UBE2U: variants seen among roughly 807,000 people sequenced by gnomAD.
UBE2U encodes the protein ubiquitin-conjugating enzyme E2 U.
In UBE2U, 39 loss-of-function variants were observed where a neutral mutation model predicts 41.2. The observed-to-expected ratio is 0.95, with a 90% confidence interval of 0.73 to 1.24. The LOEUF is 1.24. UBE2U is among the 50% of genes most tolerant of loss of function. The pLI, the probability that UBE2U is intolerant of heterozygous loss-of-function variation, is 0.00. For synonymous variants in UBE2U, 107 were observed against 117.8 expected (o/e 0.91, Z 0.60); for missense variants, 336 against 363.1 (o/e 0.93, Z 0.61).
intron 8 of UBE2U, among the ~76,000 whole-genome samples, chr1:64,255,073 AATG>A (rs1353381896): frequency 5.3e-5 from 8 of 152,180 alleles, no homozygotes; most frequent in Admixed American, 5.2e-4. Context: ...CACAGTCAGA[AATG>A]ATAAGGGAGA....
intron 4 of UBE2U, among the ~76,000 whole-genome samples, chr1:64,213,385 A>G (rs556358276): frequency 6.6e-6 from 1 of 152,310 alleles, no homozygotes; most frequent in South Asian, 2.1e-4. Context: ...TGTTGTTGTA[A>G]GAGTTGGAAC....
chr1:64,238,363 C>T (rs1237380844), intron 7 of UBE2U, among the ~76,000 whole-genome samples: 1 of 151,156 alleles, frequency 6.6e-6, no homozygotes, highest in Non-Finnish European at 1.5e-5. Context: ...AAGATTGCAC[C>T]ACTGCACTCC....
chr1:64,258,941 G>A (rs1284487155), intron 8 of UBE2U, among the ~76,000 whole-genome samples: 1 of 152,228 alleles, frequency 6.6e-6, no homozygotes, highest in Non-Finnish European at 1.5e-5. Context: ...CCCACCAACA[G>A]TGTAAAAGCG....
intron 7 of UBE2U, among the ~76,000 whole-genome samples, chr1:64,236,865 C>T (rs1644676776): frequency 2.0e-5 from 3 of 152,270 alleles, no homozygotes; most frequent in African/African-American, 7.2e-5. Flanking sequence ...TCATGAGAAC[C>T]ACCTGAGGAG....
chr1:64,238,109 T>C (rs532901445), intron 7 of UBE2U, among the ~76,000 whole-genome samples: 1 of 152,238 alleles, frequency 6.6e-6, no homozygotes, highest in East Asian at 1.9e-4. Context: ...GCCTAGCATA[T>C]AATAAAAATT....
intron 5 of UBE2U, among the ~76,000 whole-genome samples, chr1:64,218,015 T>G (rs1325313756): frequency 6.6e-6 from 1 of 152,166 alleles, no homozygotes; most frequent in Non-Finnish European, 1.5e-5. Flanking sequence ...TTGAAGCAGG[T>G]GGTGTCTCAT....
chr1:64,239,157 A>AAGAAGAAGAAAAGAAGAAGAAGAAG, intron 7 of UBE2U, among the ~76,000 whole-genome samples: 14 of 37,056 alleles, frequency 3.8e-4, no homozygotes, highest in Non-Finnish European at 7.0e-4. Context: ...GAAGAAGAAG[A>AAGAAGAAGAAAAGAAGAAGAAGAAG]AAGAAGAAGA....
At chr1:64,218,843 C>T (rs1395408409) in intron 5 of UBE2U, among the ~76,000 whole-genome samples, 3 of 152,136 alleles carry the variant, frequency 2.0e-5, no homozygotes, top group African/African-American at 7.2e-5. Context: ...TGTGTACTAT[C>T]TTTTCTTCTT....
intron 6 of UBE2U, among the ~76,000 whole-genome samples, chr1:64,224,978 G>A (rs1180109358): frequency 1.3e-5 from 2 of 150,392 alleles, no homozygotes; most frequent in Admixed American, 6.6e-5. Flanking sequence ...CAACTGAAAG[G>A]CATTTCTAGA....
rs183163254 is a variant in UBE2U at position 64,252,904 on chromosome 1, G to A, written c.678-7699G>A. On this transcript the variant is annotated intron_variant, in intron 8 of 9. Coordinates refer to ENST00000371077, the MANE Select transcript of UBE2U (RefSeq NM_001366232.2). ...TCCAGCAAGGGTACAGAACTGGGCT[G>A]AGGCTGAGATGGTTGAATTGACAGA... Among the ~76,000 whole-genome samples the A allele has an allele frequency of 6.6e-5, 10 of 152,298 alleles. No individual in the cohort carries two copies. The East Asian group carries it at 1.4e-3, about 21-fold the overall frequency.
At chr1:64,250,336 T>C (rs1240212154) in intron 8 of UBE2U, among the ~76,000 whole-genome samples, 1 of 152,168 alleles carries the variant, frequency 6.6e-6, no homozygotes, top group East Asian at 1.9e-4. Context: ...GAATTTATAG[T>C]TAAAAGCCTT....
chr1:64,231,385 G>A (rs1644562894), intron 6 of UBE2U, among the ~76,000 whole-genome samples: 1 of 152,208 alleles, frequency 6.6e-6, no homozygotes, highest in Admixed American at 6.5e-5. Context: ...ATATAATGCA[G>A]CCTTTCATTT....
intron 8 of UBE2U, among the ~76,000 whole-genome samples, chr1:64,250,585 A>G (rs764125610): frequency 2.0e-5 from 3 of 152,190 alleles, no homozygotes; most frequent in Non-Finnish European, 2.9e-5. Context: ...AGGATTATAA[A>G]TCATGCTGCT....
At chr1:64,243,840 G>A (rs1644875311) in intron 8 of UBE2U, among the ~76,000 whole-genome samples, 1 of 152,052 alleles carries the variant, frequency 6.6e-6, no homozygotes. Context: ...AGTGGAATGT[G>A]GAGCTCTTAA....
intron 7 of UBE2U, 95 bp downstream of exon 7, chr1:64,232,744 A>G (rs904727460): frequency 2.1e-5 from 18 of 877,954 alleles, no homozygotes; most frequent in African/African-American, 2.0e-4. Context: ...CACATCTGCT[A>G]TGTAAGAGTG....
At chr1:64,227,582 A>G (rs1365864295) in intron 6 of UBE2U, among the ~76,000 whole-genome samples, 1 of 152,158 alleles carries the variant, frequency 6.6e-6, no homozygotes, top group Non-Finnish European at 1.5e-5. Context: ...TGGGCAGATC[A>G]TCTGAGGTCG....
chr1:64,253,605 T>C (rs957096072), intron 8 of UBE2U, among the ~76,000 whole-genome samples: 1 of 152,138 alleles, frequency 6.6e-6, no homozygotes, highest in African/African-American at 2.4e-5. Flanking sequence ...TGGGGACCAA[T>C]ATTCAACATT....
intron 8 of UBE2U, among the ~76,000 whole-genome samples, chr1:64,254,198 A>T (rs981034844): frequency 6.6e-5 from 10 of 152,366 alleles, no homozygotes; most frequent in African/African-American, 2.2e-4. Flanking sequence ...TCAATTTGAC[A>T]ACAAGAGCTA....
chr1:64,263,112 G>T (rs1645204357), intron 9 of UBE2U, among the ~76,000 whole-genome samples: 2 of 152,184 alleles, frequency 1.3e-5, no homozygotes, highest in South Asian at 4.1e-4. Flanking sequence ...TCCAGAAACT[G>T]GTTAGCGCTC....
Sources: gnomAD v4.1 joint callset for allele counts (sites outside exome capture counted in the v4.1 genomes callset) on GRCh38, gnomAD v4.1.1 for gene constraint, MANE v1.5 for transcripts, NCBI Gene and HGNC (gene_info 2026-07-23, HGNC 2026-07-21) for gene names.